CPNE4: variants seen among roughly 807,000 people sequenced by gnomAD.
The protein encoded by CPNE4 is copine-4.
CPNE4 carries 25 observed loss-of-function variants against 67.9 expected under a neutral mutation model. That is an observed-to-expected ratio of 0.37 (90% CI 0.27 to 0.51). The LOEUF (loss-of-function observed/expected upper bound fraction) is 0.51. CPNE4 is among the 20% of genes least tolerant of loss of function. CPNE4 has a pLI of 0.93. For synonymous variants in CPNE4, 242 were observed against 244.9 expected (o/e 0.99, Z 0.11); for missense variants, 464 against 690.8 (o/e 0.67, Z 3.68).
chr3:131,750,464 T>C (rs923541909), intron 2 of CPNE4, among the ~76,000 whole-genome samples: 10 of 152,202 alleles, frequency 6.6e-5, no homozygotes, highest in African/African-American at 1.2e-4. Flanking sequence ...GTGCATCTCA[T>C]TGAGTATTAT....
intron 2 of CPNE4, among the ~76,000 whole-genome samples, chr3:131,728,195 T>C (rs2082043016): frequency 6.6e-6 from 1 of 152,232 alleles, no homozygotes; most frequent in Non-Finnish European, 1.5e-5. Context: ...TATGCTTACT[T>C]GCCACCTGTG....
chr3:131,774,158 G>A (rs996059614), intron 2 of CPNE4, among the ~76,000 whole-genome samples: 1 of 152,034 alleles, frequency 6.6e-6, no homozygotes, highest in Non-Finnish European at 1.5e-5. Context: ...CAGCAGGCAG[G>A]GTCCTCATAG....
intron 2 of CPNE4, among the ~76,000 whole-genome samples, chr3:131,782,956 T>C (rs2083464821): frequency 6.6e-6 from 1 of 152,002 alleles, no homozygotes. Flanking sequence ...GGGGCTCAGT[T>C]ATAGTTGTCA....
intron 5 of CPNE4, 132 bp downstream of exon 5, chr3:131,696,407 TGTA>T: frequency 1.4e-6 from 1 of 730,028 alleles, no homozygotes; most frequent in South Asian, 1.8e-5. Flanking sequence ...AAGTTTACTT[TGTA>T]GACCTCTCTG....
At chr3:131,706,195 C>T (rs951811172) in intron 3 of CPNE4, among the ~76,000 whole-genome samples, 3 of 152,110 alleles carry the variant, frequency 2.0e-5, no homozygotes, top group African/African-American at 7.2e-5. Context: ...ATTCTTTGAC[C>T]GTTTTTAAGT....
chr3:131,577,282 CACAT>C (rs1348663355), intron 9 of CPNE4, among the ~76,000 whole-genome samples: 1 of 152,038 alleles, frequency 6.6e-6, no homozygotes, highest in East Asian at 1.9e-4. Flanking sequence ...TGTATACACA[CACAT>C]AAACACACAC....
At chr3:131,928,517 C>G (rs1228144169) in intron 1 of CPNE4, among the ~76,000 whole-genome samples, 1 of 152,148 alleles carries the variant, frequency 6.6e-6, no homozygotes, top group African/African-American at 2.4e-5. Context: ...AATCACCCAT[C>G]TGTTACAAAC....
At chr3:132,038,698 A>G (rs1315189911), upstream of CPNE4, among the ~76,000 whole-genome samples, 2 of 152,090 alleles carry the variant, frequency 1.3e-5, no homozygotes, top group African/African-American at 4.8e-5. Flanking sequence ...ACTACATAAT[A>G]TCTTCCCAGA....
At chr3:131,585,385 A>G (rs1338207710) in intron 8 of CPNE4, among the ~76,000 whole-genome samples, 1 of 152,192 alleles carries the variant, frequency 6.6e-6, no homozygotes, top group Non-Finnish European at 1.5e-5. Context: ...TGTAGAAACA[A>G]TAAATAAGAC....
Position 131,797,473 on chromosome 3 carries a change from C to A in CPNE4, c.181-73848G>T, listed in dbSNP as rs186798722. Reference sequence around the variant, plus strand: ...CCAAAAGTGTTCGCTAGAGATTCTACCAGAAACTGCACTTACATTGTATTG... The same window carrying A: ...CCAAAAGTGTTCGCTAGAGATTCTAACAGAAACTGCACTTACATTGTATTG... On this transcript the variant is annotated intron_variant, in intron 2 of 15. Transcript: ENST00000429747. Among the ~76,000 whole-genome samples, 425 of 152,244 alleles carry A rather than the reference C, an allele frequency of 2.8e-3. 3 individuals are homozygous for A. Among genetic ancestry groups the A allele is most frequent in the Admixed American group, 2.3e-3 (35 of 15,282 alleles).
chr3:131,881,370 T>C (rs2087668014), intron 2 of CPNE4, among the ~76,000 whole-genome samples: 1 of 152,218 alleles, frequency 6.6e-6, no homozygotes, highest in Non-Finnish European at 1.5e-5. Context: ...AAAGCTGTCC[T>C]TTGTTAAACC....
intron 7 of CPNE4, among the ~76,000 whole-genome samples, chr3:131,644,568 C>T (rs897738361): frequency 2.0e-5 from 3 of 152,154 alleles, no homozygotes; most frequent in Non-Finnish European, 4.4e-5. Flanking sequence ...GTCCATTTTC[C>T]ATGTCCAGAT....
chr3:131,729,379 A>G lies in CPNE4; in HGVS notation c.181-5754T>C, dbSNP rs562602973. Among the ~76,000 whole-genome samples the G allele has an allele frequency of 1.1e-3, 173 of 152,364 alleles. 1 individual carries two copies. Among genetic ancestry groups the G allele is most frequent in the African/African-American group, 1.4e-3 (59 of 41,594 alleles). ...TTTATTACAGGCAATTTTTCAAACC[A>G]TGTAACTTCCAAGGAGACATATTAA... On this transcript the variant is annotated intron_variant, in intron 2 of 15. Transcript: ENST00000429747.
chr3:131,591,474 T>C (rs1366337474), intron 7 of CPNE4, among the ~76,000 whole-genome samples: 2 of 152,180 alleles, frequency 1.3e-5, no homozygotes, highest in African/African-American at 2.4e-5. Flanking sequence ...GGTGAATTAC[T>C]GTTCCCCCTT....
At chr3:131,704,427 G>C (rs546038047) in intron 3 of CPNE4, among the ~76,000 whole-genome samples, 5 of 152,192 alleles carry the variant, frequency 3.3e-5, no homozygotes, top group Non-Finnish European at 5.9e-5. Context: ...CTGGGTGTTT[G>C]TTCAATATGG....
intron 1 of CPNE4, among the ~76,000 whole-genome samples, chr3:131,974,999 C>T (rs1279027414): frequency 6.6e-6 from 1 of 152,032 alleles, no homozygotes; most frequent in Non-Finnish European, 1.5e-5. Flanking sequence ...CAGAGCCAGA[C>T]CCTGTCTCAA....
At chr3:131,909,189 C>T (rs548246909) in intron 1 of CPNE4, among the ~76,000 whole-genome samples, 35 of 152,264 alleles carry the variant, frequency 2.3e-4, no homozygotes, top group South Asian at 4.1e-4. Context: ...CAATAACTCT[C>T]ACAGGTTCAC....
intron 5 of CPNE4, among the ~76,000 whole-genome samples, chr3:131,689,383 C>G (rs907370813): frequency 6.6e-6 from 1 of 152,090 alleles, no homozygotes; most frequent in East Asian, 1.9e-4. Flanking sequence ...AAAATTTAAT[C>G]TATTACAATC....
At chr3:131,823,219 G>A (rs1202027533) in intron 2 of CPNE4, among the ~76,000 whole-genome samples, 2 of 152,200 alleles carry the variant, frequency 1.3e-5, no homozygotes, top group Non-Finnish European at 2.9e-5. Flanking sequence ...AGTATACTAT[G>A]TGCCATGCAT....
Sources: gnomAD v4.1 joint callset for allele counts (sites outside exome capture counted in the v4.1 genomes callset) on GRCh38, gnomAD v4.1.1 for gene constraint, MANE v1.5 for transcripts, NCBI Gene and HGNC (gene_info 2026-07-23, HGNC 2026-07-21) for gene names.